COBLL1: variants seen among roughly 807,000 people sequenced by gnomAD.
The protein encoded by COBLL1 is cordon-bleu protein-like 1.
A neutral mutation model predicts 94.8 loss-of-function variants in COBLL1; 50 were observed. The ratio of observed to expected loss-of-function variants is 0.53; its 90% CI spans 0.42 to 0.67. The LOEUF (loss-of-function observed/expected upper bound fraction) is 0.67, where lower values mean the gene tolerates loss of function less well. Ranked by LOEUF, COBLL1 falls within the 30% of genes least tolerant of loss-of-function variation. The probability of loss-of-function intolerance (pLI) is 0.00; values close to 1 mark genes in which losing one functional copy is unlikely to be tolerated. For missense variants in COBLL1, 1,362 were observed against 1,348.7 expected (o/e 1.01, Z -0.15); for synonymous variants, 448 against 473.8 (o/e 0.95, Z 0.71).
At chr2:164,664,650 C>T (rs934888179) in intron 2 of COBLL1, among the ~76,000 whole-genome samples, 3 of 152,044 alleles carry the variant, frequency 2.0e-5, no homozygotes, top group Non-Finnish European at 4.4e-5. Flanking sequence ...AACTAAGTGA[C>T]AAAACTTTTA....
intron 2 of COBLL1, among the ~76,000 whole-genome samples, chr2:164,834,012 T>A (rs1384526755): frequency 6.6e-6 from 1 of 152,184 alleles, no homozygotes; most frequent in Non-Finnish European, 1.5e-5. Flanking sequence ...TAAATAGTCA[T>A]GGGAAACTTC....
intron 9 of COBLL1, chr2:164,703,086 A>G: frequency 6.7e-7 from 1 of 1,492,148 alleles, no homozygotes; most frequent in South Asian, 1.1e-5. Flanking sequence ...ACCAGCCAGG[A>G]AAGGCCTGAC....
intron 5 of COBLL1, 74 bp from the exon 6 acceptor site, chr2:164,722,596 T>G: frequency 1.3e-6 from 1 of 786,288 alleles, no homozygotes; most frequent in East Asian, 2.7e-5. Flanking sequence ...TTTCTCTTAC[T>G]TCCCCTTTGC....
chr2:164,671,621 TAG>T (rs1449774758), intron 1 of COBLL1, among the ~76,000 whole-genome samples: 1 of 152,166 alleles, frequency 6.6e-6, no homozygotes, highest in Non-Finnish European at 1.5e-5. Flanking sequence ...TCTGTCAACA[TAG>T]AGATTAAACA....
intron 2 of COBLL1, among the ~76,000 whole-genome samples, chr2:164,778,481 T>C (rs979635252): frequency 7.9e-5 from 12 of 152,040 alleles, no homozygotes; most frequent in Admixed American, 7.9e-4. Flanking sequence ...CATGTGCCTG[T>C]AGTCCCAGCT....
At chr2:164,797,080 T>A (rs1470930884) in intron 2 of COBLL1, among the ~76,000 whole-genome samples, 3 of 152,208 alleles carry the variant, frequency 2.0e-5, no homozygotes, top group Non-Finnish European at 4.4e-5. Flanking sequence ...CTATAAAGTT[T>A]CTAAAAGTTA....
Position 164,841,513 on chromosome 2 carries a change from G to T in COBLL1, c.-51+197C>A. On this transcript the variant is annotated intron_variant, in intron 1 of 13. Coordinates refer to ENST00000652658, the MANE Select transcript of COBLL1 (RefSeq NM_001365672.2). This position sits in a 1 kb window ranked among gnomAD's most constrained non-coding sequence, Gnocchi z 5.5. Reference sequence around the variant, plus strand: ...GGGGTTTACTGGGTAGCCATTTGGCGCCTCTCGGAGGGAGAGGAGCCGCCG... The same window carrying T: ...GGGGTTTACTGGGTAGCCATTTGGCTCCTCTCGGAGGGAGAGGAGCCGCCG... The T allele has an allele frequency of 1.9e-6, 2 of 1,047,326 alleles. No homozygotes were observed. Among genetic ancestry groups the T allele is most frequent in the African/African-American group, 1.7e-5 (1 of 59,666 alleles). The allele number at this position is 1,047,326 out of a possible 1,614,324, so 64.9% of individuals were successfully genotyped here.
intron 2 of COBLL1, among the ~76,000 whole-genome samples, chr2:164,805,139 CA>C (rs1684024879): frequency 1.3e-5 from 2 of 150,728 alleles, no homozygotes; most frequent in Non-Finnish European, 3.0e-5. Context: ...TTTAAGTTTA[CA>C]AAAAATTGAT....
At chr2:164,802,253 CACA>C (rs1333779959) in intron 2 of COBLL1, among the ~76,000 whole-genome samples, 1 of 152,140 alleles carries the variant, frequency 6.6e-6, no homozygotes, top group African/African-American at 2.4e-5. Flanking sequence ...TTGTAAACCT[CACA>C]ACATTTGGCA....
intron 1 of COBLL1, among the ~76,000 whole-genome samples, chr2:164,671,271 T>A (rs899708556): frequency 4.0e-5 from 6 of 151,298 alleles, no homozygotes; most frequent in African/African-American, 1.2e-4. Context: ...AGTATGGTTC[T>A]ACTTGCACAC....
intron 2 of COBLL1, among the ~76,000 whole-genome samples, chr2:164,804,132 T>C (rs1287514508): frequency 6.9e-6 from 1 of 145,090 alleles, no homozygotes; most frequent in African/African-American, 2.5e-5. Flanking sequence ...AAAAAGGACA[T>C]GTTTTAAGCA....
intron 5 of COBLL1, among the ~76,000 whole-genome samples, chr2:164,725,637 G>A (rs35830477): frequency 0.19 from 28,298 of 151,890 alleles, 3,248 homozygotes; most frequent in African/African-American, 0.32. Flanking sequence ...CAGGCTGGTC[G>A]CAAATTCCTA....
chr2:164,824,263 C>A (rs1419372869), intron 2 of COBLL1, among the ~76,000 whole-genome samples: 1 of 151,914 alleles, frequency 6.6e-6, no homozygotes, highest in East Asian at 1.9e-4. Flanking sequence ...TGCCTGTAAT[C>A]CCAGCTACTT....
intron 2 of COBLL1, among the ~76,000 whole-genome samples, chr2:164,840,420 C>T (rs1463991444): frequency 6.6e-6 from 1 of 152,084 alleles, no homozygotes; most frequent in South Asian, 2.1e-4. Flanking sequence ...GCAGAACTAC[C>T]TGTTCTCATT....
intron 3 of COBLL1, among the ~76,000 whole-genome samples, chr2:164,737,646 C>T (rs778590637): frequency 8.5e-5 from 13 of 152,138 alleles, no homozygotes; most frequent in Non-Finnish European, 1.6e-4. Flanking sequence ...TTTGTCATCA[C>T]TGGACACTTC....
intron 1 of COBLL1, among the ~76,000 whole-genome samples, chr2:164,666,557 A>G (rs1204945616): frequency 2.0e-5 from 3 of 152,162 alleles, no homozygotes; most frequent in Non-Finnish European, 2.9e-5. Flanking sequence ...TCCTTTCACA[A>G]AAGATTTATC....
At chr2:164,818,298 A>G (rs1020558365) in intron 2 of COBLL1, among the ~76,000 whole-genome samples, 11 of 141,918 alleles carry the variant, frequency 7.8e-5, no homozygotes, top group African/African-American at 1.8e-4. Flanking sequence ...GTATGTATAC[A>G]TATGTATACA....
chr2:164,760,612 G>A (rs1201788352), intron 2 of COBLL1, among the ~76,000 whole-genome samples: 2 of 152,142 alleles, frequency 1.3e-5, no homozygotes, highest in Non-Finnish European at 1.5e-5. Context: ...TAGTATCGAT[G>A]TCACTTCCTT....
chr2:164,753,450 CAA>C (rs34843887), intron 2 of COBLL1, among the ~76,000 whole-genome samples: 75 of 146,316 alleles, frequency 5.1e-4, no homozygotes, highest in African/African-American at 1.7e-3. Flanking sequence ...GGTGCACAAA[CAA>C]AAAAAAAAAA....
Sources: gnomAD v4.1 joint callset for allele counts (sites outside exome capture counted in the v4.1 genomes callset) on GRCh38, gnomAD v4.1.1 for gene constraint, Gnocchi (gnomAD v3.1) non-coding constraint, MANE v1.5 for transcripts, NCBI Gene and HGNC (gene_info 2026-07-23, HGNC 2026-07-21) for gene names.